Variants in KDM2B observed in about 807,000 individuals in gnomAD.
KDM2B encodes the protein lysine-specific demethylase 2B.
Under a neutral mutation model 150.0 loss-of-function variants are expected in KDM2B, and 26 were observed. The ratio of observed to expected loss-of-function variants is 0.17; its 90% CI spans 0.13 to 0.24. The LOEUF is 0.24. KDM2B is among the 10% of genes least tolerant of loss of function. KDM2B has a pLI of 1.00. For synonymous variants in KDM2B, 734 were observed against 729.5 expected (o/e 1.01, Z -0.10); for missense variants, 1,265 against 1,816.9 (o/e 0.70, Z 5.52).
At chr12:121,436,025 ACAAT>A (rs1192002132) in intron 22 of KDM2B, among the ~76,000 whole-genome samples, 1 of 152,212 alleles carries the variant, frequency 6.6e-6, no homozygotes, top group Non-Finnish European at 1.5e-5. Context: ...AGAAAATAAA[ACAAT>A]CATTCATATC....
intron 4 of KDM2B, among the ~76,000 whole-genome samples, chr12:121,557,181 A>T (rs1889961419): frequency 6.6e-6 from 1 of 151,864 alleles, no homozygotes; most frequent in African/African-American, 2.4e-5. Flanking sequence ...GACGTGATCA[A>T]GCTAGAATGA....
At chr12:121,500,114 T>C (rs1884389591) in intron 11 of KDM2B, among the ~76,000 whole-genome samples, 1 of 152,008 alleles carries the variant, frequency 6.6e-6, no homozygotes, top group South Asian at 2.1e-4. Context: ...AATTTTCATT[T>C]GTGTATGACA....
rs951085083 is a variant in KDM2B, at chr12:121,453,918, C to T, written c.1735-574G>A. Among the ~76,000 whole-genome samples the T allele has an allele frequency of 1.2e-4, 19 of 152,212 alleles. No individual in the cohort carries two copies. Among genetic ancestry groups the T allele is most frequent in the Non-Finnish European group, 2.2e-4 (15 of 68,032 alleles). On this transcript the variant is annotated intron_variant, in intron 12 of 22. Transcript: ENST00000377071. This position sits in a 1 kb window ranked among gnomAD's most constrained non-coding sequence, Gnocchi z 6.4. ...TCGAGACCTTCCATGGCTGCACCCACAGGCTCGGACCCTGCCCACCTTTCC... is the reference window on the plus strand; with the variant it reads ...TCGAGACCTTCCATGGCTGCACCCATAGGCTCGGACCCTGCCCACCTTTCC...
intron 6 of KDM2B, among the ~76,000 whole-genome samples, chr12:121,541,897 C>T (rs1228007063): frequency 6.6e-6 from 1 of 152,046 alleles, no homozygotes; most frequent in Non-Finnish European, 1.5e-5. Flanking sequence ...CAGAACCCAG[C>T]GGTGCTAAGT....
chr12:121,538,638 G>C (rs76665063), intron 6 of KDM2B, among the ~76,000 whole-genome samples: 1 of 152,006 alleles, frequency 6.6e-6, no homozygotes, highest in Admixed American at 6.5e-5. Context: ...CATCCAAACT[G>C]TGGTACCTGG....
At chr12:121,415,284 C>T in the KDM2B span, 1 of 379,658 alleles carries the variant, frequency 2.6e-6, no homozygotes, top group Non-Finnish European at 5.7e-6. Context: ...TATATTATAC[C>T]CAATTACAAA....
At chr12:121,551,812 CAA>C (rs1163819519) in intron 4 of KDM2B, among the ~76,000 whole-genome samples, 1 of 152,130 alleles carries the variant, frequency 6.6e-6, no homozygotes, top group Non-Finnish European at 1.5e-5. Context: ...CTCAGCCTCC[CAA>C]AGTGCTGGGA....
intron 12 of KDM2B, among the ~76,000 whole-genome samples, chr12:121,487,111 A>C (rs534411618): frequency 6.6e-6 from 1 of 152,308 alleles, no homozygotes; most frequent in African/African-American, 2.4e-5. Flanking sequence ...CTTGTACTCC[A>C]GCCTGGGCAA....
chr12:121,515,443 A>T (rs186583347), intron 9 of KDM2B, among the ~76,000 whole-genome samples: 39 of 14,150 alleles, frequency 2.8e-3, no homozygotes, highest in Non-Finnish European at 4.8e-3. Context: ...CCACCTCCAA[A>T]TCGCACTCGC....
chr12:121,505,382 A>G (rs1194806173), intron 11 of KDM2B, among the ~76,000 whole-genome samples: 4 of 152,112 alleles, frequency 2.6e-5, no homozygotes, highest in Middle Eastern at 3.4e-3. Flanking sequence ...GTGTCTTACC[A>G]TAATTTAAAA....
At chr12:121,417,753 A>G in the KDM2B span, 1 of 1,614,210 alleles carries the variant, frequency 6.2e-7, no homozygotes, top group African/African-American at 1.3e-5. This position sits in a 1 kb window ranked among gnomAD's most constrained non-coding sequence, Gnocchi z 5.0. Flanking sequence ...TGAGGACGAC[A>G]TGGACACAAG....
At chr12:121,580,225 G>A (rs1891856999) in intron 1 of KDM2B, 1 of 1,306,254 alleles carries the variant, frequency 7.7e-7, no homozygotes, top group African/African-American at 1.6e-5. Flanking sequence ...CGTTTGCAAA[G>A]TCCTAGGAAA....
At chr12:121,546,015 T>C (rs1343561166) in intron 6 of KDM2B, among the ~76,000 whole-genome samples, 1 of 152,158 alleles carries the variant, frequency 6.6e-6, no homozygotes. Flanking sequence ...CCACCTTGAC[T>C]GGGCGAATCT....
intron 7 of KDM2B, among the ~76,000 whole-genome samples, chr12:121,534,089 C>T (rs1887884204): frequency 6.6e-6 from 1 of 152,034 alleles, no homozygotes; most frequent in Admixed American, 6.6e-5. Context: ...GTGGCTCACG[C>T]CTCTAATCCC....
At chr12:121,503,273 C>T (rs1362461226) in intron 11 of KDM2B, among the ~76,000 whole-genome samples, 2 of 150,916 alleles carry the variant, frequency 1.3e-5, no homozygotes, top group Non-Finnish European at 3.0e-5. Flanking sequence ...TCACTGCGCC[C>T]GGGCTGTGGT....
intron 4 of KDM2B, among the ~76,000 whole-genome samples, chr12:121,568,041 T>A (rs1225508561): frequency 6.6e-6 from 1 of 151,668 alleles, no homozygotes; most frequent in East Asian, 2.0e-4. Flanking sequence ...AGAAAATAAA[T>A]TGTTGTTGAA....
At position 121,536,389 on chromosome 12, in the gene KDM2B, G is replaced by A. The variant is rs538073860; in HGVS notation, c.684-1799C>T. On this transcript the variant is annotated intron_variant, in intron 6 of 22. Coordinates refer to ENST00000377071, the MANE Select transcript of KDM2B (RefSeq NM_032590.5). ...AGGGGTGTAGTTGACAGCACAGGAC[G>A]CAGGCTGTCACGAAGACAGGCGCGG... is the stretch of plus-strand genomic sequence containing the variant. 2.6e-5 allele frequency among the ~76,000 whole-genome samples: 4 copies of A among 152,260 alleles called. No individual in the cohort carries two copies. The East Asian group carries it at 5.8e-4, about 22-fold the overall frequency.
the KDM2B span, among the ~76,000 whole-genome samples, chr12:121,422,702 A>G: frequency 3.3e-5 from 5 of 152,170 alleles, no homozygotes; most frequent in East Asian, 1.9e-4. Flanking sequence ...CCATAGCCCT[A>G]TGGCCAAATC....
chr12:121,536,245 G>T (rs1198458875), intron 6 of KDM2B: 2 of 224,112 alleles, frequency 8.9e-6, no homozygotes, highest in Non-Finnish European at 1.5e-5. Flanking sequence ...TGCAGGCGGC[G>T]TGCCCGCGTC....
Sources: allele counts gnomAD v4.1 joint callset (sites outside exome capture counted in the v4.1 genomes callset), GRCh38; gene constraint gnomAD v4.1.1; non-coding constraint Gnocchi (gnomAD v3.1); transcripts MANE v1.5; gene names NCBI Gene and HGNC (gene_info 2026-07-23, HGNC 2026-07-21).